The following ASCC3 variants were observed in gnomAD, a reference collection of about 807,000 sequenced individuals.
ASCC3 encodes the protein ASC-1 complex subunit P200.
ASCC3 carries 158 observed loss-of-function variants against 256.3 expected under a neutral mutation model. The ratio of observed to expected loss-of-function variants is 0.62; its 90% CI spans 0.54 to 0.70. ASCC3 has a LOEUF of 0.70. Among genes scored for constraint, ASCC3 ranks in the 30% least tolerant of loss-of-function variants. ASCC3 has a pLI of 0.00. For synonymous variants in ASCC3, 948 were observed against 883.4 expected, an observed-to-expected ratio of 1.07 and a Z score of -1.30; for missense variants, 2,259 against 2,626.0, an observed-to-expected ratio of 0.86 and a Z score of 3.05.
rs149628546 is a variant in ASCC3 at position 100,686,708 on chromosome 6, T to C, written c.2152-6956A>G. 2.8e-4 allele frequency among the ~76,000 whole-genome samples: 42 copies of C among 152,250 alleles called. 1 individual carries two copies. The highest frequency in any genetic ancestry group is 9.6e-4 in the African/African-American group (40 of 41,574). On this transcript the variant is annotated intron_variant, in intron 13 of 41. Coordinates refer to ENST00000369162, the MANE Select transcript of ASCC3 (RefSeq NM_006828.4). Reference sequence around the variant, plus strand: ...AGAGTGTATACAGAGTATAACTCTGTACACAAGTCATTTTACATGTTTGTG... The same window carrying C: ...AGAGTGTATACAGAGTATAACTCTGCACACAAGTCATTTTACATGTTTGTG...
intron 8 of ASCC3, among the ~76,000 whole-genome samples, chr6:100,771,866 G>GTTTT (rs57465763): frequency 3.3e-5 from 3 of 91,820 alleles, no homozygotes; most frequent in Admixed American, 1.2e-4. Context: ...CAATCTGCAA[G>GTTTT]TTTTTTTTTT....
intron 36 of ASCC3, among the ~76,000 whole-genome samples, chr6:100,556,221 T>A (rs557784838): frequency 1.2e-4 from 18 of 152,304 alleles, no homozygotes; most frequent in Admixed American, 5.2e-4. Context: ...ATTTGCTTAA[T>A]ATTCTTGTTC....
At chr6:100,727,191 G>A (rs1779672445) in intron 10 of ASCC3, among the ~76,000 whole-genome samples, 1 of 151,778 alleles carries the variant, frequency 6.6e-6, no homozygotes, top group African/African-American at 2.4e-5. Context: ...CTTGAGGAGG[G>A]GAAGAGAAGA....
chr6:100,724,546 A>C (rs547821491), intron 11 of ASCC3, among the ~76,000 whole-genome samples: 1 of 151,822 alleles, frequency 6.6e-6, no homozygotes, highest in African/African-American at 2.4e-5. Flanking sequence ...GAGAAAGAAA[A>C]GGGGTAACTT....
At chr6:100,780,363 AG>A (rs1269781594) in intron 8 of ASCC3, among the ~76,000 whole-genome samples, 1 of 152,192 alleles carries the variant, frequency 6.6e-6, no homozygotes, top group African/African-American at 2.4e-5. Context: ...GATTACATTC[AG>A]GGAAAATCTC....
intron 30 of ASCC3, among the ~76,000 whole-genome samples, chr6:100,617,578 C>A (rs1773734204): frequency 6.6e-6 from 1 of 152,138 alleles, no homozygotes; most frequent in African/African-American, 2.4e-5. Flanking sequence ...CTCATTTGCT[C>A]CTCAGTCTAT....
rs776896153 is a variant in ASCC3 at position 100,805,777 on chromosome 6, C to T, written c.905G>A (p.Arg302Lys). Residue 302 changes from arginine to lysine, a missense_variant, in exon 5 of 42, where the codon AGG (arginine) becomes AAG (lysine). Physicochemically the swap from Arg to Lys is conservative, Grantham distance 26. Transcript: ENST00000369162. ...TTTCTTACCTTGAAGAGCCTGAAAC[C>T]TATGATCATTTGAAGAATTAAGAAA... ...DRFLNSSNDH[R>K]FQALQDNCKK... is the part of the protein sequence containing the mutation. 5.0e-6 allele frequency: 8 copies of T among 1,610,882 alleles called. No individual in the cohort carries two copies. In the East Asian group the frequency reaches 1.6e-4, roughly 32 times the overall value.
At chr6:100,827,798 T>C (rs547931639) in intron 4 of ASCC3, among the ~76,000 whole-genome samples, 1 of 152,238 alleles carries the variant, frequency 6.6e-6, no homozygotes, top group African/African-American at 2.4e-5. Context: ...GAAAATTTTT[T>C]ATTTTCAAAC....
At chr6:100,837,134 A>C (rs1372576148) in intron 4 of ASCC3, among the ~76,000 whole-genome samples, 2 of 152,228 alleles carry the variant, frequency 1.3e-5, no homozygotes, top group Non-Finnish European at 1.5e-5. Context: ...GCTCAATATC[A>C]CTAATCATCA....
intron 8 of ASCC3, among the ~76,000 whole-genome samples, chr6:100,770,595 T>C (rs1038394992): frequency 6.6e-6 from 1 of 151,984 alleles, no homozygotes; most frequent in African/African-American, 2.4e-5. Flanking sequence ...AAAAATCGGA[T>C]GGAATCTACA....
rs1402387947 is a variant in ASCC3, at chr6:100,642,498, T to C, written c.3901+83A>G. Reference sequence around the variant, plus strand: ...TATAATGATTACAAGTAAAACTTTATTACGGTGTAGACATTTTTCAACATT... The same window carrying C: ...TATAATGATTACAAGTAAAACTTTACTACGGTGTAGACATTTTTCAACATT... On this transcript the variant is annotated intron_variant, in intron 24 of 41. Transcript: ENST00000369162. 4.3e-6 allele frequency: 6 copies of C among 1,400,874 alleles called. No homozygotes were observed. The African/African-American group carries it at 7.1e-5, about 17-fold the overall frequency. 86.8% of individuals were successfully genotyped at this position (1,400,874 alleles called of 1,614,324 possible). A position where few individuals can be genotyped will look rare whatever the true frequency, so the allele number is the denominator to read the frequency against.
chr6:100,784,072 G>C (rs12664207), intron 8 of ASCC3, among the ~76,000 whole-genome samples: 1 of 152,030 alleles, frequency 6.6e-6, no homozygotes, highest in East Asian at 1.9e-4. Flanking sequence ...AAAAGTCCAA[G>C]TTAAAGGCTT....
At chr6:100,720,144 T>C (rs1388403648) in intron 11 of ASCC3, among the ~76,000 whole-genome samples, 2 of 152,060 alleles carry the variant, frequency 1.3e-5, no homozygotes, top group East Asian at 3.9e-4. Context: ...GTAATAAAAA[T>C]AACTATGAGC....
At chr6:100,814,532 C>T (rs1398006381) in intron 4 of ASCC3, among the ~76,000 whole-genome samples, 3 of 152,044 alleles carry the variant, frequency 2.0e-5, no homozygotes, top group African/African-American at 4.8e-5. Flanking sequence ...AGCTCTTCTT[C>T]ATACCTCTGG....
At chr6:100,550,554 G>T (rs929001565) in intron 36 of ASCC3, among the ~76,000 whole-genome samples, 2 of 151,982 alleles carry the variant, frequency 1.3e-5, no homozygotes. Context: ...CAATGGTAGA[G>T]GAAAACTTAG....
intron 4 of ASCC3, among the ~76,000 whole-genome samples, chr6:100,824,556 G>A (rs1302760692): frequency 6.6e-6 from 1 of 152,038 alleles, no homozygotes; most frequent in Non-Finnish European, 1.5e-5. Context: ...ATTAGAATAC[G>A]GTCAGGCAGA....
At chr6:100,650,845 T>C in intron 19 of ASCC3, 131 bp from the exon 20 acceptor site, 1 of 746,382 alleles carries the variant, frequency 1.3e-6, no homozygotes, top group Non-Finnish European at 2.2e-6. Flanking sequence ...TTTCATAGAG[T>C]TAAATAACAA....
At chr6:100,615,047 G>A (rs553707163) in intron 30 of ASCC3, among the ~76,000 whole-genome samples, 1 of 150,266 alleles carries the variant, frequency 6.7e-6, no homozygotes, top group African/African-American at 2.4e-5. Flanking sequence ...ATGGAGTCTC[G>A]CTCTGTCGAC....
In ASCC3 at chr6:100,763,958, G is replaced by C. The variant is rs561166994; in HGVS notation, c.1737+2607C>G. Among the ~76,000 whole-genome samples the C allele has an allele frequency of 4.8e-4, 60 of 125,554 alleles. 1 individual carries two copies. Among genetic ancestry groups the C allele is most frequent in the African/African-American group, 1.5e-3 (59 of 39,488 alleles). 82.4% of individuals were successfully genotyped at this position (125,554 alleles called of 152,430 possible). ...CAGGACAGACTAGGCATAAGTCTAA[G>C]TAGATTTTTTTGGTTTTACTTTCTG... On this transcript the variant is annotated intron_variant, in intron 10 of 41. Coordinates refer to ENST00000369162, the MANE Select transcript of ASCC3 (RefSeq NM_006828.4).
Sources: allele counts gnomAD v4.1 joint callset (sites outside exome capture counted in the v4.1 genomes callset), GRCh38; gene constraint gnomAD v4.1.1; transcripts MANE v1.5; gene names NCBI Gene and HGNC (gene_info 2026-07-23, HGNC 2026-07-21).